The following MORC1 variants were observed in gnomAD, a reference collection of about 807,000 sequenced individuals.
MORC1 encodes the protein MORC family CW-type zinc finger 1.
Under a neutral mutation model 134.9 loss-of-function variants are expected in MORC1, and 59 were observed. The observed-to-expected ratio is 0.44, with a 90% CI of 0.35 to 0.54. The LOEUF (loss-of-function observed/expected upper bound fraction) is 0.54. Among genes scored for constraint, MORC1 ranks in the 20% least tolerant of loss-of-function variants. MORC1 has a pLI of 0.00. For synonymous variants in MORC1, 395 were observed against 391.7 expected, an observed-to-expected ratio of 1.01 and a Z score of -0.10; for missense variants, 947 against 1,134.5, an observed-to-expected ratio of 0.83 and a Z score of 2.37.
chr3:109,001,676 C>T (rs557779987), intron 20 of MORC1, among the ~76,000 whole-genome samples: 1 of 152,332 alleles, frequency 6.6e-6, no homozygotes, highest in African/African-American at 2.4e-5. Flanking sequence ...CATCTATACT[C>T]TCGTAGCTAG....
At chr3:109,041,826 C>T (rs867548262) in intron 14 of MORC1, among the ~76,000 whole-genome samples, 1 of 151,968 alleles carries the variant, frequency 6.6e-6, no homozygotes, top group Admixed American at 6.6e-5. Flanking sequence ...AGCCTGGTGA[C>T]AGACTAAGAC....
At chr3:108,968,771 G>A (rs1354467329) in intron 26 of MORC1, among the ~76,000 whole-genome samples, 1 of 152,120 alleles carries the variant, frequency 6.6e-6, no homozygotes, top group Non-Finnish European at 1.5e-5. Flanking sequence ...TATGGAGCTA[G>A]TGATTAGGTG....
At chr3:109,000,354 G>A (rs542617424) in intron 21 of MORC1, among the ~76,000 whole-genome samples, 3 of 152,164 alleles carry the variant, frequency 2.0e-5, no homozygotes, top group Non-Finnish European at 4.4e-5. Flanking sequence ...GACTAGGGGT[G>A]GAGATGTGTA....
At chr3:109,106,576 G>A (rs893524672) in intron 3 of MORC1, among the ~76,000 whole-genome samples, 7 of 151,964 alleles carry the variant, frequency 4.6e-5, no homozygotes, top group African/African-American at 1.5e-4. Flanking sequence ...CCTCCTCCTC[G>A]TTTCCTGTTC....
In MORC1 at chr3:109,005,059, A is replaced by T; in HGVS notation, c.2013+11T>A. On this transcript the variant is annotated intron_variant, in intron 19 of 27. Coordinates refer to ENST00000232603, the MANE Select transcript of MORC1 (RefSeq NM_014429.4). ...GTGAATTGTTTTGTGAATAAGAAAC[A>T]ATAATAATACCTGGGATCTCTCAGC... 6.3e-7 allele frequency: 1 copy of T among 1,599,734 alleles called. No individual in the cohort carries two copies. Among genetic ancestry groups the T allele is most frequent in the Non-Finnish European group, 8.5e-7 (1 of 1,174,270 alleles).
chr3:109,103,774 C>G lies in MORC1; in HGVS notation c.223+75G>C, dbSNP rs138868550. On this transcript the variant is annotated intron_variant, in intron 4 of 27. Transcript: ENST00000232603. Reference sequence around the variant, plus strand: ...TCCATACCTGTTTTTGCATAGATAGCTCAATTTATTTATTTTGTAGGTTTT... The same window carrying G: ...TCCATACCTGTTTTTGCATAGATAGGTCAATTTATTTATTTTGTAGGTTTT... 112 of 1,344,740 alleles carry G rather than the reference C, an allele frequency of 8.3e-5. No homozygotes were observed. In the African/African-American group the frequency reaches 1.4e-3, roughly 16 times the overall value. The allele number at this position is 1,344,740 out of a possible 1,614,324, so 83.3% of individuals were successfully genotyped here.
chr3:109,098,770 G>A (rs1950873583), intron 6 of MORC1, among the ~76,000 whole-genome samples: 1 of 152,062 alleles, frequency 6.6e-6, no homozygotes, highest in Non-Finnish European at 1.5e-5. Flanking sequence ...ACTCTTAGAT[G>A]GCCATATGAC....
intron 7 of MORC1, 37 bp downstream of exon 7, chr3:109,094,872 T>A (rs1299291053): frequency 4.6e-6 from 7 of 1,521,494 alleles, no homozygotes; most frequent in Non-Finnish European, 6.1e-6. Context: ...TGAAAACAAA[T>A]ACTTCCATCA....
At chr3:109,022,064 G>T (rs1359254391) in intron 17 of MORC1, among the ~76,000 whole-genome samples, 1 of 152,184 alleles carries the variant, frequency 6.6e-6, no homozygotes, top group Non-Finnish European at 1.5e-5. Context: ...ATAGAGAAAT[G>T]AGATCTTTGT....
At chr3:109,019,507 G>T (rs1948905100) in intron 17 of MORC1, among the ~76,000 whole-genome samples, 1 of 152,054 alleles carries the variant, frequency 6.6e-6, no homozygotes. Context: ...CTACATTTCA[G>T]ATCTACCCCT....
At chr3:109,106,324 G>A (rs1279906043) in intron 3 of MORC1, among the ~76,000 whole-genome samples, 1 of 152,070 alleles carries the variant, frequency 6.6e-6, no homozygotes, top group Admixed American at 6.6e-5. Flanking sequence ...GTAAACGGCT[G>A]GGAAAGACCA....
intron 12 of MORC1, among the ~76,000 whole-genome samples, chr3:109,057,975 T>A (rs557316049): frequency 9.9e-5 from 15 of 152,234 alleles, no homozygotes; most frequent in Admixed American, 9.2e-4. Context: ...AAATAAGTTA[T>A]TATAATAAAG....
At chr3:109,111,354 A>G (rs1056680706) in intron 2 of MORC1, among the ~76,000 whole-genome samples, 4 of 152,198 alleles carry the variant, frequency 2.6e-5, no homozygotes, top group African/African-American at 4.8e-5. Context: ...AGGTTGCCTC[A>G]GCACTACAGT....
chr3:108,967,297 A>G lies in MORC1; in HGVS notation c.2604+2372T>C, dbSNP rs140852725. ...TTTAGAAACAGATATAAAACGGTAT[A>G]TATAAGCTTGGATAAACAGCTGTAT... is the stretch of plus-strand genomic sequence containing the variant. On this transcript the variant is annotated intron_variant, in intron 26 of 27. Transcript: ENST00000232603. 2.0e-3 allele frequency among the ~76,000 whole-genome samples: 307 copies of G among 152,340 alleles called. 3 individuals are homozygous for G. The highest frequency in any genetic ancestry group is 6.9e-3 in the African/African-American group (288 of 41,590).
At chr3:109,106,563 T>TCTC (rs2107792333) in intron 3 of MORC1, among the ~76,000 whole-genome samples, 1 of 152,276 alleles carries the variant, frequency 6.6e-6, no homozygotes, top group East Asian at 1.9e-4. Flanking sequence ...CGTTAGACTT[T>TCTC]CTCCTCCTCC....
intron 9 of MORC1, 94 bp downstream of exon 9, chr3:109,069,538 A>G: frequency 2.4e-6 from 3 of 1,228,964 alleles, no homozygotes; most frequent in East Asian, 2.5e-5. Context: ...AAATCTTACT[A>G]TCAAAGTCAA....
intron 8 of MORC1, 128 bp downstream of exon 8, chr3:109,093,308 G>T (rs1230281501): frequency 3.1e-6 from 2 of 646,672 alleles, no homozygotes; most frequent in Admixed American, 2.9e-5. Flanking sequence ...AACTTTACTA[G>T]TAACTAGGGT....
At chr3:109,090,040 A>T (rs1236879982) in intron 8 of MORC1, among the ~76,000 whole-genome samples, 1 of 152,168 alleles carries the variant, frequency 6.6e-6, no homozygotes, top group South Asian at 2.1e-4. Flanking sequence ...TCAATTTAAT[A>T]TTTCACACAT....
At position 108,959,011 on chromosome 3, in the gene MORC1, C is replaced by A; in HGVS notation, c.2909G>T (p.Arg970Ile). 6.5e-7 allele frequency: 1 copy of A among 1,545,288 alleles called. No homozygotes were observed. The highest frequency in any genetic ancestry group is 8.7e-7 in the Non-Finnish European group (1 of 1,146,788). Reference sequence around the variant, plus strand: ...ATTTTTTTCTAAAGGGAGTCTATGTCTTGCATCTATAGTTACTTTATTTAA... The same window carrying A: ...ATTTTTTTCTAAAGGGAGTCTATGTATTGCATCTATAGTTACTTTATTTAA... ...NNLNKVTIDARHRLPLEKNEK... is the reference protein window; with the variant it reads ...NNLNKVTIDAIHRLPLEKNEK... Residue 970 changes from arginine to isoleucine, a missense_variant, in exon 28 of 28, where the codon AGA (arginine) becomes ATA (isoleucine). Coordinates refer to ENST00000232603, the MANE Select transcript of MORC1 (RefSeq NM_014429.4).
Sources: allele counts gnomAD v4.1 joint callset (sites outside exome capture counted in the v4.1 genomes callset), GRCh38; gene constraint gnomAD v4.1.1; transcripts MANE v1.5; gene names NCBI Gene and HGNC (gene_info 2026-07-23, HGNC 2026-07-21).